SOX5: variants seen among roughly 807,000 people sequenced by gnomAD.
SOX5 encodes the protein SRY-box transcription factor 5.
In SOX5, 9 loss-of-function variants were observed where a neutral mutation model predicts 92.0. The ratio of observed to expected loss-of-function variants is 0.10; its 90% CI spans 0.06 to 0.17. The LOEUF (loss-of-function observed/expected upper bound fraction) is 0.17. Among genes scored for constraint, SOX5 ranks in the 10% least tolerant of loss-of-function variants. SOX5 has a pLI of 1.00. For missense variants in SOX5, 642 were observed against 944.5 expected (o/e 0.68, Z 4.20); for synonymous variants, 344 against 336.3 (o/e 1.02, Z -0.25).
At chr12:23,760,168 T>C (rs2094524216) in intron 3 of SOX5, among the ~76,000 whole-genome samples, 1 of 152,102 alleles carries the variant, frequency 6.6e-6, no homozygotes, top group Non-Finnish European at 1.5e-5. Context: ...ATTATTTGCA[T>C]AGCATTTCCA....
chr12:24,145,565 C>G (rs1193004291), intron 4 of SOX5, among the ~76,000 whole-genome samples: 1 of 152,142 alleles, frequency 6.6e-6, no homozygotes, highest in African/African-American at 2.4e-5. Flanking sequence ...GGAGCAATCT[C>G]GGCTCACTGC....
chr12:24,409,017 C>T (rs1325516305), intron 1 of SOX5, among the ~76,000 whole-genome samples: 1 of 152,152 alleles, frequency 6.6e-6, no homozygotes, highest in Non-Finnish European at 1.5e-5. Flanking sequence ...TATAAAGACA[C>T]ATGCACACAA....
At chr12:23,687,457 A>G (rs1165445273) in intron 6 of SOX5, among the ~76,000 whole-genome samples, 2 of 152,102 alleles carry the variant, frequency 1.3e-5, no homozygotes, top group East Asian at 3.8e-4. Flanking sequence ...CTTTTCGGAT[A>G]AGCTGATCCT....
intron 4 of SOX5, among the ~76,000 whole-genome samples, chr12:24,092,681 T>C (rs988082458): frequency 1.3e-5 from 2 of 152,224 alleles, no homozygotes; most frequent in Non-Finnish European, 1.5e-5. Context: ...AAAAGTTTCA[T>C]AGACAAAGTA....
intron 4 of SOX5, among the ~76,000 whole-genome samples, chr12:23,986,743 G>A (rs1950099095): frequency 6.6e-6 from 1 of 152,142 alleles, no homozygotes; most frequent in African/African-American, 2.4e-5. Context: ...AAGTTCTAAG[G>A]ATGCTTCCTT....
At chr12:24,248,815 T>G (rs1196502233) in intron 3 of SOX5, among the ~76,000 whole-genome samples, 1 of 152,226 alleles carries the variant, frequency 6.6e-6, no homozygotes, top group Non-Finnish European at 1.5e-5. Flanking sequence ...TTTGGTAAGG[T>G]TACTTGTTTA....
At chr12:24,538,644 G>A (rs1690104661) in intron 1 of SOX5, among the ~76,000 whole-genome samples, 2 of 137,558 alleles carry the variant, frequency 1.5e-5, no homozygotes, top group Non-Finnish European at 3.2e-5. Context: ...CACACTACAC[G>A]ATAAGAAGAC....
chr12:24,458,457 G>A lies in SOX5; in HGVS notation c.-250-89818C>T, dbSNP rs910176380. 3.3e-5 allele frequency among the ~76,000 whole-genome samples: 5 copies of A among 151,926 alleles called. No homozygotes were observed. In the East Asian group the frequency reaches 5.8e-4, roughly 18 times the overall value. On this transcript the variant is annotated intron_variant, in intron 1 of 4. Coordinates refer to the SOX5 transcript ENST00000446891. Reference sequence around the variant, plus strand: ...CATTCTCTACTCAGTCATGTTCAACGTGAGCTGAACGCCAAAATCAGCTGG... The same window carrying A: ...CATTCTCTACTCAGTCATGTTCAACATGAGCTGAACGCCAAAATCAGCTGG...
At chr12:24,143,924 T>C (rs1950830833) in intron 4 of SOX5, among the ~76,000 whole-genome samples, 1 of 151,750 alleles carries the variant, frequency 6.6e-6, no homozygotes, top group Non-Finnish European at 1.5e-5. Context: ...ATAATGACTA[T>C]ATTGCTAAAC....
chr12:23,802,494 A>T (rs551153799), intron 3 of SOX5, among the ~76,000 whole-genome samples: 67 of 148,594 alleles, frequency 4.5e-4, no homozygotes, highest in African/African-American at 1.4e-3. Context: ...ATTCGTTGTA[A>T]TTTTTTTTTT....
chr12:24,515,795 G>A (rs1949726503), intron 1 of SOX5, among the ~76,000 whole-genome samples: 1 of 152,148 alleles, frequency 6.6e-6, no homozygotes, highest in Non-Finnish European at 1.5e-5. Context: ...AAAATTGTGA[G>A]CAAGTTGCAC....
intron 4 of SOX5, among the ~76,000 whole-genome samples, chr12:24,107,368 C>T (rs902951196): frequency 1.3e-5 from 2 of 152,138 alleles, no homozygotes; most frequent in Non-Finnish European, 2.9e-5. Flanking sequence ...ACTATTTAGA[C>T]CTTCTGAATA....
chr12:24,458,768 T>C (rs1943299709), intron 1 of SOX5, among the ~76,000 whole-genome samples: 1 of 152,188 alleles, frequency 6.6e-6, no homozygotes, highest in Non-Finnish European at 1.5e-5. Context: ...GTGATTCATA[T>C]GCACATTATA....
In SOX5 at chr12:24,303,333, G is replaced by GTCATAC. The variant is rs1195432024; in HGVS notation, c.-173-26022_-173-26021insGTATGA. 2.1e-3 allele frequency among the ~76,000 whole-genome samples: 320 copies of GTCATAC among 152,174 alleles called. 1 individual carries two copies. The highest frequency in any genetic ancestry group is 7.3e-3 in the African/African-American group (305 of 41,530). ...ATTACAGTAATCATACAGAGTATAG[G>GTCATAC]GGACAAAACAAGACGTTAGACATCA... On this transcript the variant is annotated intron_variant, in intron 2 of 4. Coordinates refer to the SOX5 transcript ENST00000446891.
intron 1 of SOX5, among the ~76,000 whole-genome samples, chr12:24,505,710 G>A (rs924567149): frequency 1.3e-5 from 2 of 152,154 alleles, no homozygotes; most frequent in African/African-American, 4.8e-5. Flanking sequence ...CATAACTTCT[G>A]AAACCCATAC....
intron 8 of SOX5, among the ~76,000 whole-genome samples, chr12:23,615,891 C>T (rs1458207056): frequency 2.0e-5 from 3 of 152,050 alleles, no homozygotes; most frequent in Non-Finnish European, 4.4e-5. Flanking sequence ...AGAGACTGTG[C>T]AAGAGTCCAG....
intron 4 of SOX5, among the ~76,000 whole-genome samples, chr12:24,171,138 A>ATT (rs71059984): frequency 0.33 from 27,421 of 84,120 alleles, 4,956 homozygotes; most frequent in Non-Finnish European, 0.39. Context: ...CCCAAGATCT[A>ATT]TTTTTTTTTT....
chr12:24,341,451 T>C (rs1952565464), intron 2 of SOX5, among the ~76,000 whole-genome samples: 1 of 152,228 alleles, frequency 6.6e-6, no homozygotes. Flanking sequence ...TCACTCCACC[T>C]GGGTGACAGA....
At chr12:23,841,467 T>G (rs1462465474) in intron 3 of SOX5, among the ~76,000 whole-genome samples, 1 of 152,086 alleles carries the variant, frequency 6.6e-6, no homozygotes, top group Non-Finnish European at 1.5e-5. Flanking sequence ...TGGGTTGAAA[T>G]CTTATGTCCA....
Sources: allele counts gnomAD v4.1 joint callset (sites outside exome capture counted in the v4.1 genomes callset), GRCh38; gene constraint gnomAD v4.1.1; transcripts MANE v1.5; gene names NCBI Gene and HGNC (gene_info 2026-07-23, HGNC 2026-07-21).